DDX31: variants seen among roughly 807,000 people sequenced by gnomAD.
DDX31 encodes ATP-dependent DNA helicase DDX31.
A neutral mutation model predicts 91.3 loss-of-function variants in DDX31; 70 were observed. The observed-to-expected ratio is 0.77, with a 90% confidence interval of 0.63 to 0.94. The LOEUF is 0.94. DDX31 is among the 40% of genes least tolerant of loss of function. The pLI is 0.00. For missense variants in DDX31, 902 were observed against 925.0 expected (o/e 0.98, Z 0.32); for synonymous variants, 362 against 350.6 (o/e 1.03, Z -0.36).
chr9:132,630,016 C>T (rs897701955), intron 16 of DDX31, among the ~76,000 whole-genome samples: 2 of 152,192 alleles, frequency 1.3e-5, no homozygotes, highest in Admixed American at 6.5e-5. Flanking sequence ...AGAAACGAAA[C>T]GCAGCTCTCT....
chr9:132,600,694 C>A (rs1056521740), intron 19 of DDX31, among the ~76,000 whole-genome samples: 2 of 152,180 alleles, frequency 1.3e-5, no homozygotes, highest in African/African-American at 4.8e-5. Flanking sequence ...ACTATTTAGC[C>A]CAGGTGACCA....
At chr9:132,609,891 A>C (rs745961203) in intron 19 of DDX31, among the ~76,000 whole-genome samples, 78 of 152,134 alleles carry the variant, frequency 5.1e-4, no homozygotes, top group Non-Finnish European at 9.7e-4. Flanking sequence ...AAGTGCTAGG[A>C]TTATAAGAGT....
At chr9:132,610,970 G>C (rs74935635) in intron 19 of DDX31, among the ~76,000 whole-genome samples, 1 of 152,306 alleles carries the variant, frequency 6.6e-6, no homozygotes, top group East Asian at 1.9e-4. Flanking sequence ...TGACAGGCTA[G>C]AGAAACGGGG....
chr9:132,662,256 C>A lies in DDX31; in HGVS notation c.408+5G>T, dbSNP rs1305091280. The A allele has an allele frequency of 1.9e-6, 3 of 1,614,004 alleles. No homozygotes were observed. The highest frequency in any genetic ancestry group is 2.5e-6 in the Non-Finnish European group (3 of 1,180,012). On this transcript the variant is annotated splice_donor_5th_base_variant and intron_variant, in intron 3 of 19. Coordinates refer to ENST00000372159, the MANE Select transcript of DDX31 (RefSeq NM_022779.9). ...CTGACCCAGAAAACACTGAAAGGTACTTACTAAATGTGGGTGGAGGCCCAG... is the reference window on the plus strand; with the variant it reads ...CTGACCCAGAAAACACTGAAAGGTAATTACTAAATGTGGGTGGAGGCCCAG...
intron 19 of DDX31, among the ~76,000 whole-genome samples, chr9:132,609,913 C>G (rs1831233194): frequency 6.6e-6 from 1 of 152,198 alleles, no homozygotes; most frequent in South Asian, 2.1e-4. Context: ...AGTCACCGCG[C>G]CTGGCCACAT....
chr9:132,607,990 C>T (rs1831117463), intron 19 of DDX31, among the ~76,000 whole-genome samples: 1 of 152,178 alleles, frequency 6.6e-6, no homozygotes, highest in African/African-American at 2.4e-5. Flanking sequence ...ACCTGGCAAA[C>T]AACACAATTC....
rs76189181 is a variant in DDX31, at chr9:132,659,731, C to T, written c.502G>A (p.Val168Met). 2.5e-6 allele frequency: 4 copies of T among 1,611,978 alleles called. No individual in the cohort carries two copies. Among genetic ancestry groups the T allele is most frequent in the African/African-American group, 2.7e-5 (2 of 74,880 alleles). The change falls in exon 5 of 20, where the codon GTG becomes ATG. Residue 168 changes from valine to methionine, a missense_variant. Val to Met is a conservative substitution (Grantham distance 21). Coordinates refer to ENST00000372159, the MANE Select transcript of DDX31 (RefSeq NM_022779.9). ...PVLLEGRDAL[V>M]RSQTGSGKTL... is the part of the protein sequence containing the mutation. ...TAACCTGAGCCCGTCTGGGATCTCA[C>T]GAGAGCATCTCTGCCTTCCAGCAAC...
At chr9:132,653,218 G>T (rs1216413227) in intron 6 of DDX31, among the ~76,000 whole-genome samples, 1 of 151,712 alleles carries the variant, frequency 6.6e-6, no homozygotes, top group East Asian at 1.9e-4. Context: ...CAATAGCCAG[G>T]TGCAGTGGCT....
Position 132,640,838 on chromosome 9 carries a change from G to A in DDX31, c.1440+1166C>T, listed in dbSNP as rs1232278646. 2.0e-5 allele frequency among the ~76,000 whole-genome samples: 3 copies of A among 152,084 alleles called. No homozygotes were observed. In the East Asian group the frequency reaches 5.8e-4, roughly 29 times the overall value. On this transcript the variant is annotated intron_variant, in intron 14 of 19. Transcript: ENST00000372159. ...AATTTCTTTATTAAGTAGATTATTTGGAATTAATCTTCACTAGAGACCACG... is the reference window on the plus strand; with the variant it reads ...AATTTCTTTATTAAGTAGATTATTTAGAATTAATCTTCACTAGAGACCACG...
chr9:132,603,268 C>A (rs1830819879), intron 19 of DDX31, among the ~76,000 whole-genome samples: 1 of 152,218 alleles, frequency 6.6e-6, no homozygotes, highest in Non-Finnish European at 1.5e-5. Flanking sequence ...AAGTAGTTAA[C>A]AAATTACTCT....
At chr9:132,660,857 T>C (rs1472661009) in intron 4 of DDX31, among the ~76,000 whole-genome samples, 1 of 152,200 alleles carries the variant, frequency 6.6e-6, no homozygotes, top group East Asian at 1.9e-4. Flanking sequence ...ACTCTTGTCT[T>C]TTTGGTTGAC....
chr9:132,615,528 A>G (rs1319750691), intron 18 of DDX31, among the ~76,000 whole-genome samples: 2 of 151,810 alleles, frequency 1.3e-5, no homozygotes, highest in Admixed American at 1.3e-4. Flanking sequence ...GACCCCACTG[A>G]GGGGAGAAGA....
In DDX31 at chr9:132,662,637, C is replaced by T. The variant is rs376851094; in HGVS notation, c.134G>A (p.Arg45Gln). The T allele has an allele frequency of 1.6e-5, 26 of 1,614,162 alleles. No homozygotes were observed. In the African/African-American group the frequency reaches 2.1e-4, roughly 13 times the overall value. ...QASSEAPPAKRRNETSFLPAK... is the reference protein window; with the variant it reads ...QASSEAPPAKQRNETSFLPAK... ...TGGGAGAAATGAAGTTTCGTTCCTCCGTTTCGCTGGGGGAGCCTCACTGGA... is the reference window on the plus strand; with the variant it reads ...TGGGAGAAATGAAGTTTCGTTCCTCTGTTTCGCTGGGGGAGCCTCACTGGA... Residue 45 changes from arginine to glutamine, a missense_variant, in exon 2 of 20, where the codon CGG becomes CAG. Physicochemically the swap from Arg to Gln is conservative, Grantham distance 43. Transcript: ENST00000372159.
At chr9:132,668,098 G>T (rs1327646937) in intron 1 of DDX31, among the ~76,000 whole-genome samples, 1 of 151,844 alleles carries the variant, frequency 6.6e-6, no homozygotes, top group South Asian at 2.1e-4. Context: ...CCTTCTCCCC[G>T]CTCCACCCAG....
rs753044219 is a variant in DDX31 at position 132,669,901 on chromosome 9, G to A, written c.34C>T (p.Pro12Ser). 2 of 1,597,220 alleles carry A rather than the reference G, an allele frequency of 1.3e-6. No homozygotes were observed. Among genetic ancestry groups the A allele is most frequent in the South Asian group, 2.3e-5 (2 of 88,316 alleles). Residue 12 changes from proline to serine, a missense_variant, in exon 1 of 20, where the codon CCC becomes TCC. Physicochemically the swap from Pro to Ser is moderately conservative, Grantham distance 74. Coordinates refer to ENST00000372159, the MANE Select transcript of DDX31 (RefSeq NM_022779.9). ...AAADGSLFDNPRTFSRRPPAQ... is the reference protein window; with the variant it reads ...AAADGSLFDNSRTFSRRPPAQ... ...GGGGGACGTCTGGAGAACGTCCTGG[G>A]GTTGTCGAAGAGCGAACCGTCGGCG...
At position 132,594,893 on chromosome 9, in the gene DDX31, C is replaced by T; in HGVS notation, c.2214G>A (p.Arg738=). Residue 738 remains arginine (R), a synonymous_variant, in exon 20 of 20, where the codon CGG becomes CGA. Transcript: ENST00000372159. ...KWRKTQKGVQ[R]DSKTSQKV is the part of the protein sequence containing the mutation. The stretch of plus-strand genomic sequence containing the variant: ...AAACTTTCTGGGAAGTCTTGCTGTC[C>T]CGCTGTACACCTTTTTGGGTTTTTC... The T allele has an allele frequency of 6.2e-7, 1 of 1,613,846 alleles. No individual in the cohort carries two copies. Among genetic ancestry groups the T allele is most frequent in the Non-Finnish European group, 8.5e-7 (1 of 1,180,022 alleles).
intron 1 of DDX31, among the ~76,000 whole-genome samples, chr9:132,664,716 C>CAAAAAA (rs10668095): frequency 1.0e-5 from 1 of 97,426 alleles, no homozygotes; most frequent in African/African-American, 4.0e-5. Context: ...GACCCTCGCT[C>CAAAAAA]AAAAAAAAAA....
intron 19 of DDX31, among the ~76,000 whole-genome samples, chr9:132,610,434 C>A (rs904643300): frequency 1.3e-5 from 2 of 152,142 alleles, no homozygotes; most frequent in African/African-American, 4.8e-5. Context: ...TTATTAGTAT[C>A]AGAAAAGAAT....
At chr9:132,599,404 A>T (rs1295975208) in intron 19 of DDX31, among the ~76,000 whole-genome samples, 5 of 152,244 alleles carry the variant, frequency 3.3e-5, no homozygotes, top group Admixed American at 3.3e-4. Flanking sequence ...TGTTTTTAAT[A>T]TACATAAATC....
Sources: gnomAD v4.1 joint callset for allele counts (sites outside exome capture counted in the v4.1 genomes callset) on GRCh38, gnomAD v4.1.1 for gene constraint, MANE v1.5 for transcripts, NCBI Gene and HGNC (gene_info 2026-07-23, HGNC 2026-07-21) for gene names.